Variants in C1QTNF7 observed in about 807,000 individuals in gnomAD.
C1QTNF7 encodes complement C1q tumor necrosis factor-related protein 7.
A neutral mutation model predicts 19.6 loss-of-function variants in C1QTNF7; 15 were observed. The observed-to-expected ratio is 0.76, with a 90% CI of 0.51 to 1.18. The LOEUF (loss-of-function observed/expected upper bound fraction) is 1.18, where lower values mean the gene tolerates loss of function less well. C1QTNF7 is among the 50% of genes most tolerant of loss of function. The probability of loss-of-function intolerance (pLI) is 0.00; values close to 1 mark genes in which losing one functional copy is unlikely to be tolerated. For missense variants in C1QTNF7, 324 were observed against 359.7 expected, an observed-to-expected ratio of 0.90 and a Z score of 0.80; for synonymous variants, 142 against 137.5, an observed-to-expected ratio of 1.03 and a Z score of -0.23.
intron 1 of C1QTNF7, among the ~76,000 whole-genome samples, chr4:15,398,783 A>G (rs1157049024): frequency 1.3e-5 from 2 of 152,240 alleles, no homozygotes; most frequent in African/African-American, 4.8e-5. Context: ...GTGAAAGTTT[A>G]TTAAAAAGCA....
At chr4:15,441,443 T>A (rs1712752438) in intron 2 of C1QTNF7, among the ~76,000 whole-genome samples, 1 of 152,360 alleles carries the variant, frequency 6.6e-6, no homozygotes, top group South Asian at 2.1e-4. Context: ...TCTCTTATTA[T>A]TATCACAAAT....
At chr4:15,357,585 T>C (rs1484544240) in intron 1 of C1QTNF7, among the ~76,000 whole-genome samples, 1 of 152,208 alleles carries the variant, frequency 6.6e-6, no homozygotes, top group Admixed American at 6.5e-5. Context: ...TTTGGTTCTA[T>C]ATGAAATTGA....
chr4:15,364,743 T>G (rs1483889987), intron 1 of C1QTNF7, among the ~76,000 whole-genome samples: 4 of 152,144 alleles, frequency 2.6e-5, no homozygotes, highest in African/African-American at 9.7e-5. Context: ...AAAAAATATA[T>G]TTCCTGGGCA....
chr4:15,355,747 G>C (rs936337991), intron 1 of C1QTNF7, among the ~76,000 whole-genome samples: 1 of 152,200 alleles, frequency 6.6e-6, no homozygotes, highest in Non-Finnish European at 1.5e-5. Flanking sequence ...TGGTCTTTGG[G>C]GAAGTCTGGT....
chr4:15,382,054 TA>T (rs1449728423), intron 1 of C1QTNF7, among the ~76,000 whole-genome samples: 1 of 152,196 alleles, frequency 6.6e-6, no homozygotes, highest in African/African-American at 2.4e-5. Context: ...GGTGACATTT[TA>T]AAAAGTGACT....
intron 2 of C1QTNF7, among the ~76,000 whole-genome samples, chr4:15,438,614 T>C (rs1421321805): frequency 1.3e-5 from 2 of 152,222 alleles, no homozygotes; most frequent in Non-Finnish European, 2.9e-5. Flanking sequence ...TTGCAATTAT[T>C]ACTGTAGCAT....
intron 1 of C1QTNF7, among the ~76,000 whole-genome samples, chr4:15,344,958 G>T (rs1195160251): frequency 1.3e-5 from 2 of 152,154 alleles, no homozygotes; most frequent in African/African-American, 4.8e-5. Context: ...TTATTCATTA[G>T]GTGTCTTATG....
intron 2 of C1QTNF7, 58 bp downstream of exon 2, chr4:15,436,039 C>T: frequency 1.3e-6 from 2 of 1,552,362 alleles, no homozygotes; most frequent in Non-Finnish European, 1.7e-6. Context: ...AAAACTGTTC[C>T]CCTTTCTTTG....
upstream of C1QTNF7, among the ~76,000 whole-genome samples, chr4:15,423,927 A>G (rs1430357009): frequency 2.0e-5 from 3 of 152,162 alleles, no homozygotes; most frequent in Admixed American, 6.5e-5. Context: ...ACACTCCACA[A>G]TATCCTTTAT....
intron 1 of C1QTNF7, among the ~76,000 whole-genome samples, chr4:15,401,131 A>G (rs1198062982): frequency 6.6e-6 from 1 of 152,224 alleles, no homozygotes; most frequent in Non-Finnish European, 1.5e-5. Flanking sequence ...AGCTATTTCC[A>G]TGTTGCACAA....
At chr4:15,409,491 A>T (rs1023500340) in intron 1 of C1QTNF7, among the ~76,000 whole-genome samples, 1 of 152,248 alleles carries the variant, frequency 6.6e-6, no homozygotes, top group Admixed American at 6.5e-5. Flanking sequence ...TGGAAGAAAG[A>T]CTTATTTTCA....
intron 1 of C1QTNF7, among the ~76,000 whole-genome samples, chr4:15,410,543 A>C (rs1165682745): frequency 6.6e-6 from 1 of 152,240 alleles, no homozygotes; most frequent in Non-Finnish European, 1.5e-5. Flanking sequence ...AATATATTTA[A>C]CAACTCTACT....
chr4:15,351,263 C>T (rs909191557), intron 1 of C1QTNF7, among the ~76,000 whole-genome samples: 2 of 152,060 alleles, frequency 1.3e-5, no homozygotes, highest in African/African-American at 4.8e-5. Flanking sequence ...TCCTTCCTTC[C>T]TTCCTCTGTT....
intron 1 of C1QTNF7, among the ~76,000 whole-genome samples, chr4:15,398,372 C>A (rs896990281): frequency 1.3e-5 from 2 of 152,090 alleles, no homozygotes; most frequent in Non-Finnish European, 2.9e-5. Context: ...TGACCACCCC[C>A]CCTCCCTGCC....
intron 1 of C1QTNF7, among the ~76,000 whole-genome samples, chr4:15,417,353 A>G (rs1719638614): frequency 6.6e-6 from 1 of 152,218 alleles, no homozygotes; most frequent in Non-Finnish European, 1.5e-5. Context: ...AAAACTATCA[A>G]TCTGCTTTCT....
intron 1 of C1QTNF7, among the ~76,000 whole-genome samples, chr4:15,353,519 C>G (rs1717008588): frequency 6.6e-6 from 1 of 152,098 alleles, no homozygotes; most frequent in African/African-American, 2.4e-5. Context: ...GTGTATCAGA[C>G]CAAATCGGTC....
intron 1 of C1QTNF7, among the ~76,000 whole-genome samples, chr4:15,401,080 G>T (rs1393612370): frequency 2.0e-5 from 3 of 152,214 alleles, no homozygotes; most frequent in Admixed American, 2.0e-4. Context: ...CCCCAGTGCT[G>T]CATACCACAC....
chr4:15,394,155 G>A (rs1718690877), intron 1 of C1QTNF7, among the ~76,000 whole-genome samples: 1 of 152,230 alleles, frequency 6.6e-6, no homozygotes, highest in South Asian at 2.1e-4. Context: ...CAAAGGCCCT[G>A]AAGTGGGAGC....
chr4:15,401,340 G>A (rs955340320), intron 1 of C1QTNF7, among the ~76,000 whole-genome samples: 13 of 152,070 alleles, frequency 8.5e-5, no homozygotes, highest in African/African-American at 2.2e-4. Context: ...CTGGCCTCCC[G>A]GACACCAAAA....
Sources: gnomAD v4.1 joint callset for allele counts (sites outside exome capture counted in the v4.1 genomes callset) on GRCh38, gnomAD v4.1.1 for gene constraint, MANE v1.5 for transcripts, NCBI Gene and HGNC (gene_info 2026-07-23, HGNC 2026-07-21) for gene names.